The following SYNDIG1 variants were observed in gnomAD, a reference collection of about 807,000 sequenced individuals.
SYNDIG1 encodes synapse differentiation-inducing gene protein 1.
SYNDIG1 carries 9 observed loss-of-function variants against 19.4 expected under a neutral mutation model. The ratio of observed to expected loss-of-function variants is 0.46; its 90% CI spans 0.28 to 0.81. The LOEUF (loss-of-function observed/expected upper bound fraction) is 0.81. Ranked by LOEUF, SYNDIG1 falls within the 30% of genes least tolerant of loss-of-function variation. The pLI is 0.12. For missense variants in SYNDIG1, 311 were observed against 343.3 expected (o/e 0.91, Z 0.74); for synonymous variants, 141 against 145.9 (o/e 0.97, Z 0.24).
chr20:24,475,170 G>A (rs1454913323), intron 1 of SYNDIG1, among the ~76,000 whole-genome samples: 1 of 152,214 alleles, frequency 6.6e-6, no homozygotes, highest in Non-Finnish European at 1.5e-5. Context: ...ATGGGTCTGA[G>A]ATGCAGGAGT....
At chr20:24,538,136 TAAC>T (rs2057399036) in intron 1 of SYNDIG1, among the ~76,000 whole-genome samples, 1 of 152,208 alleles carries the variant, frequency 6.6e-6, no homozygotes, top group Admixed American at 6.5e-5. Context: ...TCTACAATCT[TAAC>T]AATTTTTAAG....
intron 2 of SYNDIG1, among the ~76,000 whole-genome samples, chr20:24,576,687 C>T (rs556853599): frequency 6.3e-4 from 96 of 152,294 alleles, no homozygotes; most frequent in African/African-American, 2.2e-3. Flanking sequence ...ACCCCCGTCC[C>T]TGGACTCCCC....
chr20:24,500,460 AC>A (rs2056413510), intron 1 of SYNDIG1, among the ~76,000 whole-genome samples: 1 of 151,552 alleles, frequency 6.6e-6, no homozygotes, highest in East Asian at 1.9e-4. Context: ...TAGTTGGAAA[AC>A]AAAAGCAGAT....
chr20:24,598,608 G>C (rs1385240523), intron 3 of SYNDIG1, among the ~76,000 whole-genome samples: 1 of 152,230 alleles, frequency 6.6e-6, no homozygotes, highest in Non-Finnish European at 1.5e-5. Flanking sequence ...AAATCCACAA[G>C]CACCTCTAGG....
intron 2 of SYNDIG1, among the ~76,000 whole-genome samples, chr20:24,557,384 C>T (rs1410627214): frequency 2.0e-5 from 3 of 152,170 alleles, no homozygotes; most frequent in African/African-American, 7.2e-5. Flanking sequence ...AGGCGCTCTG[C>T]TTTTTAGAGT....
intron 2 of SYNDIG1, among the ~76,000 whole-genome samples, chr20:24,564,362 A>T (rs1292265198): frequency 6.6e-6 from 1 of 152,214 alleles, no homozygotes; most frequent in African/African-American, 2.4e-5. Context: ...TATTTCAACC[A>T]ATATCTTTCT....
rs1192055309 is a variant in SYNDIG1 at position 24,635,840 on chromosome 20, C to T, written c.619-29506C>T. On this transcript the variant is annotated intron_variant, in intron 3 of 3. Transcript: ENST00000376862. ...ACACTCAGCCATTTGCATATGCACA[C>T]ACATCTAGCACCCGGTCACCATGCC... 2.6e-5 allele frequency among the ~76,000 whole-genome samples: 4 copies of T among 152,204 alleles called. No individual in the cohort carries two copies. The East Asian group carries it at 7.7e-4, about 29-fold the overall frequency.
intron 2 of SYNDIG1, among the ~76,000 whole-genome samples, chr20:24,554,519 G>T (rs1225015187): frequency 1.3e-5 from 2 of 152,166 alleles, no homozygotes; most frequent in Non-Finnish European, 1.5e-5. Context: ...CATGAAGGTT[G>T]TTGAATTTTG....
At chr20:24,612,669 A>C (rs1197372446) in intron 3 of SYNDIG1, among the ~76,000 whole-genome samples, 1 of 152,246 alleles carries the variant, frequency 6.6e-6, no homozygotes, top group Non-Finnish European at 1.5e-5. Flanking sequence ...ATTCCCCCTC[A>C]GTCCTAGCAT....
intron 3 of SYNDIG1, among the ~76,000 whole-genome samples, chr20:24,600,895 A>G (rs1395018121): frequency 6.6e-6 from 1 of 152,140 alleles, no homozygotes; most frequent in African/African-American, 2.4e-5. Flanking sequence ...GATTACAGGT[A>G]TGAGCCACCA....
At chr20:24,521,568 T>C (rs1259531238) in intron 1 of SYNDIG1, among the ~76,000 whole-genome samples, 1 of 4,942 alleles carries the variant, frequency 2.0e-4, no homozygotes, top group Non-Finnish European at 3.9e-4. Context: ...TTTCATATGG[T>C]TATTCTGCTA....
intron 1 of SYNDIG1, among the ~76,000 whole-genome samples, chr20:24,507,815 G>T (rs1158444208): frequency 2.0e-5 from 3 of 152,226 alleles, no homozygotes; most frequent in Non-Finnish European, 4.4e-5. Context: ...TCCAGGACAT[G>T]CTAATGGGTA....
In SYNDIG1 at chr20:24,665,910, T is replaced by C; in HGVS notation, c.*406T>C. 5.2e-6 allele frequency: 1 copy of C among 190,566 alleles called. No individual in the cohort carries two copies. The highest frequency in any genetic ancestry group is 1.1e-5 in the Non-Finnish European group (1 of 94,418). The allele number at this position is 190,566 out of a possible 1,614,324, so 11.8% of individuals were successfully genotyped here. A position where few individuals can be genotyped will look rare whatever the true frequency, so the allele number is the denominator to read the frequency against. On this transcript the variant is annotated 3_prime_UTR_variant, in exon 4 of 4. Coordinates refer to ENST00000376862, the MANE Select transcript of SYNDIG1 (RefSeq NM_024893.3). The stretch of plus-strand genomic sequence containing the variant: ...CAATAGGCAGAGGACAAGGGACACA[T>C]CACTCTTCTGTCTGTGGCCCTGCTG...
chr20:24,665,482 T>A lies in SYNDIG1; in HGVS notation c.755T>A (p.Leu252His). ...VGVAVALIAY[L>H]SKNNHL is the part of the protein sequence containing the mutation. ...GTGGCCGTGGCCCTCATCGCCTACC[T>A]CTCCAAGAACAACCACCTGTGAGCT... The change falls in exon 4 of 4, where the codon CTC becomes CAC. Residue 252 changes from leucine (L) to histidine (H), a missense_variant. Leu to His is a moderately conservative substitution (Grantham distance 99). Coordinates refer to ENST00000376862, the MANE Select transcript of SYNDIG1 (RefSeq NM_024893.3). 2 of 1,613,840 alleles carry A rather than the reference T, an allele frequency of 1.2e-6. No individual in the cohort carries two copies. Among genetic ancestry groups the A allele is most frequent in the Non-Finnish European group, 1.7e-6 (2 of 1,179,922 alleles).
chr20:24,585,690 T>A (rs951048516), intron 3 of SYNDIG1, among the ~76,000 whole-genome samples: 1 of 152,212 alleles, frequency 6.6e-6, no homozygotes, highest in Non-Finnish European at 1.5e-5. Flanking sequence ...TCAGCTATAT[T>A]CACATTTTCA....
intron 2 of SYNDIG1, among the ~76,000 whole-genome samples, chr20:24,555,406 A>G (rs2057793814): frequency 6.6e-6 from 1 of 151,870 alleles, no homozygotes; most frequent in African/African-American, 2.4e-5. Flanking sequence ...TAGGGTGTCA[A>G]TTTTGGATCT....
chr20:24,482,111 C>T (rs1036208973), intron 1 of SYNDIG1, among the ~76,000 whole-genome samples: 8 of 152,068 alleles, frequency 5.3e-5, no homozygotes, highest in African/African-American at 1.9e-4. Context: ...GAGCTCATGC[C>T]ATGGAGAAAA....
intron 3 of SYNDIG1, among the ~76,000 whole-genome samples, chr20:24,654,230 A>G (rs755622280): frequency 6.6e-6 from 1 of 152,102 alleles, no homozygotes; most frequent in African/African-American, 2.4e-5. Context: ...ATTTCCTGAC[A>G]CTTGAGAGCG....
At chr20:24,582,188 G>A (rs6049794) in intron 2 of SYNDIG1, among the ~76,000 whole-genome samples, 22,338 of 85,994 alleles carry the variant, frequency 0.26, 2,304 homozygotes, top group Admixed American at 0.43. Flanking sequence ...AGTCCTCCCC[G>A]CTGCACATCC....
Sources: gnomAD v4.1 joint callset for allele counts (sites outside exome capture counted in the v4.1 genomes callset) on GRCh38, gnomAD v4.1.1 for gene constraint, MANE v1.5 for transcripts, NCBI Gene and HGNC (gene_info 2026-07-23, HGNC 2026-07-21) for gene names.